The following SASH1 variants were observed in gnomAD, a reference collection of about 807,000 sequenced individuals.
The protein encoded by SASH1 is SAM and SH3 domain-containing protein 1.
In SASH1, 44 loss-of-function variants were observed where a neutral mutation model predicts 125.2. The ratio of observed to expected loss-of-function variants is 0.35; its 90% CI spans 0.28 to 0.45. The LOEUF (loss-of-function observed/expected upper bound fraction) is 0.45, where lower values mean the gene tolerates loss of function less well. Ranked by LOEUF, SASH1 falls within the 20% of genes least tolerant of loss-of-function variation. The pLI is 1.00. For synonymous variants in SASH1, 639 were observed against 649.1 expected (o/e 0.98, Z 0.24); for missense variants, 1,426 against 1,614.5 (o/e 0.88, Z 2.00).
rs1465257029 is a variant in SASH1 at position 148,431,536 on chromosome 6, T to C, written c.286-8648T>C. On this transcript the variant is annotated intron_variant, in intron 2 of 19. Transcript: ENST00000367467. ...TTTAAGTCCTGGTAAAATCGACACATGTTCCATGAATTGACTGGAATAGAG... is the reference window on the plus strand; with the variant it reads ...TTTAAGTCCTGGTAAAATCGACACACGTTCCATGAATTGACTGGAATAGAG... 2.0e-5 allele frequency among the ~76,000 whole-genome samples: 3 copies of C among 152,122 alleles called. No individual in the cohort carries two copies. In the South Asian group the frequency reaches 6.2e-4, roughly 32 times the overall value.
the SASH1 span, among the ~76,000 whole-genome samples, chr6:148,253,858 G>T: frequency 1.5e-3 from 225 of 151,928 alleles, no homozygotes; most frequent in African/African-American, 5.2e-3. Flanking sequence ...GTGACAGAGC[G>T]AGACTCTGTC....
chr6:148,320,286 T>C (rs1288497479), intron 1 of SASH1, among the ~76,000 whole-genome samples: 1 of 152,182 alleles, frequency 6.6e-6, no homozygotes, highest in Non-Finnish European at 1.5e-5. Context: ...GACAAGACCC[T>C]CTGAAAAGAG....
At chr6:148,238,854 G>A in the SASH1 span, among the ~76,000 whole-genome samples, 1 of 152,086 alleles carries the variant, frequency 6.6e-6, no homozygotes, top group African/African-American at 2.4e-5. Flanking sequence ...CGGTGAGTTG[G>A]GGAACTACAA....
At chr6:148,491,315 G>A (rs1003560232) in intron 8 of SASH1, among the ~76,000 whole-genome samples, 3 of 152,178 alleles carry the variant, frequency 2.0e-5, no homozygotes, top group Admixed American at 2.0e-4. Context: ...CGTCGCTCAG[G>A]CTGGAGTGCA....
At chr6:148,208,286 C>T in the SASH1 span, among the ~76,000 whole-genome samples, 2 of 152,212 alleles carry the variant, frequency 1.3e-5, no homozygotes, top group African/African-American at 2.4e-5. Context: ...GGGAAGTCTA[C>T]TAAAGGACTA....
At chr6:148,514,559 T>C in intron 9 of SASH1, 103 bp downstream of exon 9, 1 of 1,146,414 alleles carries the variant, frequency 8.7e-7, no homozygotes, top group Non-Finnish European at 1.2e-6. Context: ...GGATACGATT[T>C]CAAGTGGAAA....
intron 2 of SASH1, among the ~76,000 whole-genome samples, chr6:148,407,689 G>C (rs1156603739): frequency 6.6e-6 from 1 of 152,202 alleles, no homozygotes; most frequent in Non-Finnish European, 1.5e-5. Flanking sequence ...CTGGAGTGCA[G>C]TGGCGCAGTC....
rs1012929275 is a variant in SASH1, at chr6:148,298,151, T to C, written n.74+25774T>C. On this transcript the variant is annotated intron_variant and non_coding_transcript_variant, in intron 1 of 3. Coordinates refer to the SASH1 transcript ENST00000367469. The stretch of plus-strand genomic sequence containing the variant: ...CCTCCCTAGTAGCTGGAATTACAGG[T>C]ACCCACCATTATGCCCAGCTAATTT... 2.6e-5 allele frequency among the ~76,000 whole-genome samples: 4 copies of C among 151,736 alleles called. No individual in the cohort carries two copies. In the East Asian group the frequency reaches 6.0e-4, roughly 23 times the overall value.
chr6:148,510,863 G>A (rs1043198961), intron 8 of SASH1, among the ~76,000 whole-genome samples: 5 of 151,990 alleles, frequency 3.3e-5, no homozygotes, highest in African/African-American at 1.2e-4. Flanking sequence ...GGGTATGGTG[G>A]TGTGTGCCTG....
chr6:148,285,229 A>G (rs1779451953), intron 1 of SASH1, among the ~76,000 whole-genome samples: 1 of 152,240 alleles, frequency 6.6e-6, no homozygotes, highest in Non-Finnish European at 1.5e-5. Context: ...AGCCCCACAG[A>G]AAGACTGGTT....
At chr6:148,225,933 T>C in the SASH1 span, among the ~76,000 whole-genome samples, 1 of 152,244 alleles carries the variant, frequency 6.6e-6, no homozygotes, top group Non-Finnish European at 1.5e-5. Context: ...AAAGCTGTTT[T>C]CTAACAACAA....
intron 1 of SASH1, among the ~76,000 whole-genome samples, chr6:148,296,395 G>A (rs891345307): frequency 1.9e-4 from 29 of 152,152 alleles, no homozygotes; most frequent in Admixed American, 5.9e-4. Context: ...CAAAGTGCTG[G>A]GATTACAGGC....
At chr6:148,325,735 C>G (rs1055625483) in intron 1 of SASH1, among the ~76,000 whole-genome samples, 1 of 152,106 alleles carries the variant, frequency 6.6e-6, no homozygotes, top group Non-Finnish European at 1.5e-5. Flanking sequence ...TGGGTGGAGA[C>G]ACAGTCAAAC....
At chr6:148,511,733 C>T (rs979122021) in intron 8 of SASH1, among the ~76,000 whole-genome samples, 2 of 152,106 alleles carry the variant, frequency 1.3e-5, no homozygotes, top group Admixed American at 1.3e-4. Flanking sequence ...ATCTACTGTC[C>T]TTGTTTAACT....
At chr6:148,364,269 G>A (rs967043116) in intron 1 of SASH1, among the ~76,000 whole-genome samples, 8 of 152,108 alleles carry the variant, frequency 5.3e-5, no homozygotes, top group African/African-American at 1.7e-4. Context: ...AAGTTTTCAC[G>A]TTGAGATCGA....
chr6:148,411,586 C>T (rs1392851312), intron 2 of SASH1, among the ~76,000 whole-genome samples: 1 of 151,958 alleles, frequency 6.6e-6, no homozygotes, highest in East Asian at 1.9e-4. Context: ...CTCTGTTGCC[C>T]AGGCTGGAGT....
At chr6:148,406,994 TA>T (rs555578343) in intron 2 of SASH1, among the ~76,000 whole-genome samples, 152 of 152,288 alleles carry the variant, frequency 1.0e-3, no homozygotes, top group African/African-American at 3.2e-3. Context: ...GCAGGAGTGG[TA>T]TAGAGGAGGG....
the SASH1 span, among the ~76,000 whole-genome samples, chr6:148,223,523 G>A: frequency 3.3e-5 from 5 of 152,290 alleles, no homozygotes; most frequent in African/African-American, 1.2e-4. Context: ...GCAATCCATT[G>A]ACTGTTTGTC....
the SASH1 span, among the ~76,000 whole-genome samples, chr6:148,235,528 C>T: frequency 6.6e-5 from 10 of 151,984 alleles, no homozygotes; most frequent in South Asian, 2.1e-4. Context: ...TGTATTTGTG[C>T]GTGGTTTTAC....
Sources: gnomAD v4.1 joint callset for allele counts (sites outside exome capture counted in the v4.1 genomes callset) on GRCh38, gnomAD v4.1.1 for gene constraint, MANE v1.5 for transcripts, NCBI Gene and HGNC (gene_info 2026-07-23, HGNC 2026-07-21) for gene names.